HELQ: variants seen among roughly 807,000 people sequenced by gnomAD.
HELQ encodes the protein helicase POLQ-like.
Under a neutral mutation model 111.6 loss-of-function variants are expected in HELQ, and 77 were observed. The ratio of observed to expected loss-of-function variants is 0.69; its 90% CI spans 0.57 to 0.83. The LOEUF (loss-of-function observed/expected upper bound fraction) is 0.83. Among genes scored for constraint, HELQ ranks in the 40% least tolerant of loss-of-function variants. HELQ has a pLI of 0.00. For synonymous variants in HELQ, 438 were observed against 454.7 expected, an observed-to-expected ratio of 0.96 and a Z score of 0.47; for missense variants, 1,200 against 1,288.5, an observed-to-expected ratio of 0.93 and a Z score of 1.05.
intron 6 of HELQ, among the ~76,000 whole-genome samples, chr4:83,442,828 A>AG (rs1162595987): frequency 2.0e-5 from 3 of 152,150 alleles, no homozygotes; most frequent in African/African-American, 7.2e-5. Context: ...TTGGCATTGC[A>AG]GGTGTGAGCC....
intron 8 of HELQ, among the ~76,000 whole-genome samples, chr4:83,438,720 T>C (rs1210272417): frequency 1.6e-5 from 2 of 122,196 alleles, no homozygotes; most frequent in Non-Finnish European, 3.2e-5. Flanking sequence ...CATTCCAGCA[T>C]AGGTGACAGA....
chr4:83,421,128 A>G (rs1415201550), intron 15 of HELQ, among the ~76,000 whole-genome samples: 1 of 152,164 alleles, frequency 6.6e-6, no homozygotes, highest in Non-Finnish European at 1.5e-5. Flanking sequence ...AATTTTTTTA[A>G]AAAGAGAATA....
intron 11 of HELQ, 134 bp downstream of exon 11, chr4:83,431,530 A>C (rs1247327925): frequency 1.2e-5 from 4 of 342,462 alleles, no homozygotes; most frequent in African/African-American, 2.2e-5. Context: ...AAAAGAAAAA[A>C]ATTAAAAGAA....
rs147373472 is a variant in HELQ at position 83,411,604 on chromosome 4, A to AAAATAAATAAATAAAT, written c.3199-4060_3199-4045dup. On this transcript the variant is annotated intron_variant, in intron 17 of 17. Transcript: ENST00000295488. ...GGGTGACAGAGTCAGACCCTGTCTC[A>AAAATAAATAAATAAAT]AAATAAATAAATAAATAAATAAAAT... Among the ~76,000 whole-genome samples, 379 of 150,206 alleles carry AAAATAAATAAATAAAT rather than the reference A, an allele frequency of 2.5e-3. 3 individuals are homozygous for AAAATAAATAAATAAAT. The highest frequency in any genetic ancestry group is 9.1e-3 in the African/African-American group (365 of 40,190).
intron 17 of HELQ, among the ~76,000 whole-genome samples, chr4:83,408,619 G>T (rs1266118436): frequency 3.0e-4 from 45 of 150,088 alleles, no homozygotes; most frequent in African/African-American, 1.1e-3. Flanking sequence ...TCCCTATGTT[G>T]TCCAGGCTGT....
chr4:83,453,032 A>AT, intron 2 of HELQ, 199 bp downstream of exon 2: 1 of 490,194 alleles, frequency 2.0e-6, no homozygotes, highest in Non-Finnish European at 3.6e-6. Context: ...AACTGGTTTG[A>AT]TAAGTGTGAC....
chr4:83,427,417 G>T, intron 13 of HELQ, 146 bp downstream of exon 13: 1 of 500,740 alleles, frequency 2.0e-6, no homozygotes, highest in Non-Finnish European at 3.4e-6. Flanking sequence ...CACTTTGGGA[G>T]GACAATGTGG....
intron 15 of HELQ, among the ~76,000 whole-genome samples, chr4:83,420,370 A>T (rs917210398): frequency 1.3e-5 from 2 of 152,212 alleles, no homozygotes; most frequent in Admixed American, 6.5e-5. Context: ...GTGGCGGCTC[A>T]TGCCTGTAAT....
chr4:83,410,223 T>A (rs1739015760), intron 17 of HELQ, among the ~76,000 whole-genome samples: 1 of 151,954 alleles, frequency 6.6e-6, no homozygotes. Flanking sequence ...CACTCTAGCC[T>A]GGGTGACAGA....
At chr4:83,433,597 C>T (rs922397783) in intron 9 of HELQ, among the ~76,000 whole-genome samples, 12 of 138,088 alleles carry the variant, frequency 8.7e-5, no homozygotes, top group Non-Finnish European at 1.7e-4. Context: ...ACCCAGGAGG[C>T]GGAGCTTGCA....
chr4:83,424,274 G>A (rs1014759021), intron 14 of HELQ, among the ~76,000 whole-genome samples: 2 of 151,948 alleles, frequency 1.3e-5, no homozygotes, highest in African/African-American at 4.8e-5. Flanking sequence ...TAATGATATT[G>A]TTTTTATTTT....
At chr4:83,454,405 T>C (rs79316121) in intron 1 of HELQ, among the ~76,000 whole-genome samples, 2,322 of 151,952 alleles carry the variant, frequency 0.015, 52 homozygotes, top group African/African-American at 0.053. Context: ...GATACTGAGA[T>C]TCTAATTTTT....
chr4:83,448,669 C>CAGA, intron 3 of HELQ, 114 bp downstream of exon 3: 119 of 672,270 alleles, frequency 1.8e-4, no homozygotes, highest in Non-Finnish European at 2.4e-4. Flanking sequence ...GACTCCATCT[C>CAGA]AAAAAAAAAA....
chr4:83,423,268 A>G (rs930321183), intron 14 of HELQ, among the ~76,000 whole-genome samples: 1 of 152,054 alleles, frequency 6.6e-6, no homozygotes, highest in African/African-American at 2.4e-5. Flanking sequence ...ACCTGTCTCT[A>G]TTTTAAAAAA....
intron 12 of HELQ, among the ~76,000 whole-genome samples, chr4:83,428,594 C>A (rs1187785540): frequency 6.6e-6 from 1 of 151,926 alleles, no homozygotes; most frequent in African/African-American, 2.4e-5. Flanking sequence ...CCAAAACAAC[C>A]CCCACAACAC....
chr4:83,453,307 G>T lies in HELQ; in HGVS notation c.936C>A (p.Asp312Glu). ...TGGGTAATGAATAAAAAGGACCAAGGTCATTTGATGATGACTCAACTGTTT... is the reference window on the plus strand; with the variant it reads ...TGGGTAATGAATAAAAAGGACCAAGTTCATTTGATGATGACTCAACTGTTT... The part of the protein sequence containing the change: ...AKKTVESSSN[D>E]LGPFYSLPSK... The change falls in exon 2 of 18, where the codon GAC (aspartate) becomes GAA (glutamate). Residue 312 changes from aspartate (D) to glutamate (E), a missense_variant. Asp to Glu is a conservative substitution (Grantham distance 45). Coordinates refer to ENST00000295488, the MANE Select transcript of HELQ (RefSeq NM_133636.5). 1.9e-6 allele frequency: 3 copies of T among 1,613,854 alleles called. No homozygotes were observed. The highest frequency in any genetic ancestry group is 2.5e-6 in the Non-Finnish European group (3 of 1,179,860).
At chr4:83,453,185 G>T (rs1386629005) in intron 2 of HELQ, 46 bp downstream of exon 2, 2 of 1,078,890 alleles carry the variant, frequency 1.9e-6, no homozygotes, top group Admixed American at 4.3e-5. Flanking sequence ...CTAATATTAT[G>T]GTAATGATAG....
chr4:83,441,335 G>T lies in HELQ; in HGVS notation c.1632C>A (p.Gly544=), dbSNP rs540031756. The change falls in exon 7 of 18, where the codon GGC becomes GGA. Residue 544 remains glycine (G), a synonymous_variant. Coordinates refer to ENST00000295488, the MANE Select transcript of HELQ (RefSeq NM_133636.5). Reference sequence around the variant, plus strand: ...AATTAAGAAGACGTGAAAAAGTCATGCCATTCTCAGCTTTGCTGTCAACTT... The same window carrying T: ...AATTAAGAAGACGTGAAAAAGTCATTCCATTCTCAGCTTTGCTGTCAACTT... ...IYEVDSKAEN[G]MTFSRLLNYK... The T allele has an allele frequency of 2.5e-6, 4 of 1,592,160 alleles. No individual in the cohort carries two copies. The African/African-American group carries it at 4.0e-5, about 16-fold the overall frequency.
In HELQ at chr4:83,427,957, G is replaced by A. The variant is rs79562045; in HGVS notation, c.2519-237C>T. Among the ~76,000 whole-genome samples, 739 of 152,206 alleles carry A rather than the reference G, an allele frequency of 4.9e-3. 8 individuals carry two copies. The highest frequency in any genetic ancestry group is 0.017 in the African/African-American group (703 of 41,528). On this transcript the variant is annotated intron_variant, in intron 12 of 17. Transcript: ENST00000295488. ...CTAATCCAGAGAAACATTTCCATAT[G>A]TACCCCAAAATACATAGAGATGTCC...
Sources: allele counts gnomAD v4.1 joint callset (sites outside exome capture counted in the v4.1 genomes callset), GRCh38; gene constraint gnomAD v4.1.1; transcripts MANE v1.5; gene names NCBI Gene and HGNC (gene_info 2026-07-23, HGNC 2026-07-21).